The following MEF2C variants were observed in gnomAD, a reference collection of about 807,000 sequenced individuals.
MEF2C encodes the protein myocyte-specific enhancer factor 2C.
In MEF2C, 6 loss-of-function variants were observed where a neutral mutation model predicts 50.5. The ratio of observed to expected loss-of-function variants is 0.12; its 90% CI spans 0.07 to 0.23. MEF2C has a LOEUF of 0.23. Ranked by LOEUF, MEF2C falls within the 10% of genes least tolerant of loss-of-function variation. The probability of loss-of-function intolerance (pLI) is 1.00; values close to 1 mark genes in which losing one functional copy is unlikely to be tolerated. For synonymous variants in MEF2C, 183 were observed against 228.0 expected (o/e 0.80, Z 1.78); for missense variants, 276 against 605.0 (o/e 0.46, Z 5.70).
At chr5:88,891,281 T>C (rs1489871209) in intron 1 of MEF2C, among the ~76,000 whole-genome samples, 2 of 151,956 alleles carry the variant, frequency 1.3e-5, no homozygotes, top group East Asian at 3.9e-4. Context: ...TCACCTAAAG[T>C]GAAAATTTTT....
intron 1 of MEF2C, among the ~76,000 whole-genome samples, chr5:88,829,329 C>T (rs1812129796): frequency 6.6e-6 from 1 of 151,970 alleles, no homozygotes; most frequent in African/African-American, 2.4e-5. Flanking sequence ...TACTCCACGC[C>T]CTCCTGATGA....
intron 3 of MEF2C, chr5:88,782,283 T>C (rs1788469644): frequency 4.3e-6 from 2 of 465,856 alleles, no homozygotes; most frequent in South Asian, 1.9e-4. Context: ...CTGGGCAACA[T>C]GGCAAAATCC....
intron 3 of MEF2C, among the ~76,000 whole-genome samples, chr5:88,773,435 G>A (rs563053575): frequency 2.6e-5 from 4 of 152,272 alleles, no homozygotes; most frequent in African/African-American, 9.6e-5. Flanking sequence ...GTGGAAGAGA[G>A]AGTTAATAGA....
intron 1 of MEF2C, among the ~76,000 whole-genome samples, chr5:88,859,967 A>C (rs1439458047): frequency 2.6e-5 from 4 of 152,228 alleles, no homozygotes; most frequent in Non-Finnish European, 5.9e-5. Context: ...AAGTTTCTTA[A>C]ACCATACAGG....
chr5:88,843,143 ATCTCATTTTT>A (rs1257282712), intron 1 of MEF2C, among the ~76,000 whole-genome samples: 3 of 149,358 alleles, frequency 2.0e-5, no homozygotes, highest in Non-Finnish European at 4.4e-5. Flanking sequence ...CGTTTTTCCT[ATCTCATTTTT>A]GGGAGGGATG....
intron 1 of MEF2C, among the ~76,000 whole-genome samples, chr5:88,830,110 C>A (rs1812458023): frequency 6.6e-6 from 1 of 152,066 alleles, no homozygotes; most frequent in East Asian, 1.9e-4. Flanking sequence ...TAACAATAAT[C>A]ACCAAATGAA....
chr5:88,878,498 T>G (rs977586329), intron 1 of MEF2C, among the ~76,000 whole-genome samples: 1 of 152,040 alleles, frequency 6.6e-6, no homozygotes, highest in African/African-American at 2.4e-5. Flanking sequence ...ACACCAAAGT[T>G]GGCACCCACT....
intron 6 of MEF2C, among the ~76,000 whole-genome samples, chr5:88,745,359 C>T (rs889016533): frequency 2.6e-5 from 4 of 152,210 alleles, no homozygotes; most frequent in African/African-American, 7.2e-5. Flanking sequence ...CTGTTAGAGT[C>T]AGGAAAGGCT....
At chr5:88,758,953 C>A (rs1319099254) in intron 4 of MEF2C, among the ~76,000 whole-genome samples, 1 of 152,166 alleles carries the variant, frequency 6.6e-6, no homozygotes, top group African/African-American at 2.4e-5. Context: ...AAACAAGATC[C>A]AATGTGCATT....
chr5:88,827,055 A>C (rs564881101), intron 1 of MEF2C: 10 of 152,046 alleles, frequency 6.6e-5, no homozygotes, highest in Non-Finnish European at 1.2e-4. Flanking sequence ...GAACTTCATT[A>C]TGGCAGGCTT....
chr5:88,860,163 C>A (rs1407055336), intron 1 of MEF2C, among the ~76,000 whole-genome samples: 1 of 152,112 alleles, frequency 6.6e-6, no homozygotes, highest in Non-Finnish European at 1.5e-5. Flanking sequence ...CAATATGTTC[C>A]ATTTTTACAG....
chr5:88,735,463 G>C (rs1030013386), intron 6 of MEF2C: 1 of 985,198 alleles, frequency 1.0e-6, no homozygotes, highest in Non-Finnish European at 1.2e-6. Context: ...TAAAGCAGGA[G>C]TGAATGGATT....
intron 2 of MEF2C, among the ~76,000 whole-genome samples, chr5:88,822,576 C>T (rs919207525): frequency 9.9e-5 from 15 of 151,808 alleles, no homozygotes; most frequent in Non-Finnish European, 1.3e-4. Flanking sequence ...TTTTTAATGG[C>T]GTACTGACTT....
At chr5:88,884,375 G>C (rs1350055393), upstream of MEF2C, 2 of 152,244 alleles carry the variant, frequency 1.3e-5, no homozygotes, top group African/African-American at 4.8e-5. Context: ...ATTCCAGCGT[G>C]CTTTTCCTGC....
At chr5:88,740,433 C>T in intron 6 of MEF2C, 1 of 985,300 alleles carries the variant, frequency 1.0e-6, no homozygotes, top group African/African-American at 1.7e-5. Context: ...AACATTTTCT[C>T]ATTTGTCCTA....
At chr5:88,849,239 T>C (rs746458889) in intron 1 of MEF2C, among the ~76,000 whole-genome samples, 11 of 152,046 alleles carry the variant, frequency 7.2e-5, no homozygotes, top group African/African-American at 9.7e-5. Flanking sequence ...ATAATTTAAT[T>C]TGAAAATAAA....
At chr5:88,902,543 C>G (rs1355257602) in intron 1 of MEF2C, among the ~76,000 whole-genome samples, 1 of 149,272 alleles carries the variant, frequency 6.7e-6, no homozygotes, top group African/African-American at 2.4e-5. Flanking sequence ...ACAGCAATTA[C>G]AACAGTTTAA....
intron 1 of MEF2C, among the ~76,000 whole-genome samples, chr5:88,864,252 A>C (rs1826504987): frequency 6.6e-6 from 1 of 151,254 alleles, no homozygotes; most frequent in Admixed American, 6.6e-5. Context: ...AATTAGCCTT[A>C]TTTGATCATG....
At chr5:88,788,447 T>C (rs1792120549) in intron 3 of MEF2C, among the ~76,000 whole-genome samples, 1 of 151,964 alleles carries the variant, frequency 6.6e-6, no homozygotes, top group African/African-American at 2.4e-5. Context: ...TGACTTCAAA[T>C]GATCCGCCTG....
Sources: allele counts gnomAD v4.1 joint callset (sites outside exome capture counted in the v4.1 genomes callset), GRCh38; gene constraint gnomAD v4.1.1; transcripts MANE v1.5; gene names NCBI Gene and HGNC (gene_info 2026-07-23, HGNC 2026-07-21).